The following CFAP47 variants were observed in gnomAD, a reference collection of about 807,000 sequenced individuals.
The protein encoded by CFAP47 is cilia- and flagella-associated protein 47.
A neutral mutation model predicts 148.1 loss-of-function variants in CFAP47; 29 were observed. The ratio of observed to expected loss-of-function variants is 0.20; its 90% confidence interval spans 0.15 to 0.27. The LOEUF (loss-of-function observed/expected upper bound fraction) is 0.27. Ranked by LOEUF, CFAP47 falls within the 10% of genes least tolerant of loss-of-function variation. The probability of loss-of-function intolerance (pLI) is 1.00; values close to 1 mark genes in which losing one functional copy is unlikely to be tolerated. For missense variants in CFAP47, 1,872 were observed against 1,697.5 expected, an observed-to-expected ratio of 1.10 and a Z score of -1.81; for synonymous variants, 664 against 577.3, an observed-to-expected ratio of 1.15 and a Z score of -2.15.
chrX:36,182,773 C>T (rs1040631107), intron 40 of CFAP47, among the ~76,000 whole-genome samples: 1 of 111,959 alleles, frequency 8.9e-6, no homozygotes, highest in Non-Finnish European at 1.9e-5. Context: ...AAAAAAACTC[C>T]ATAAATAAAC....
chrX:35,924,052 CATGTATGCGCACATATATGTATAT>C (rs1324760870), intron 1 of CFAP47, among the ~76,000 whole-genome samples: 1 of 91,069 alleles, frequency 1.1e-5, no homozygotes, highest in African/African-American at 4.8e-5. Context: ...TGTATATGTA[CATGTATGCGCACATATATGTATAT>C]ATGTACATGT....
At position 36,036,891 on chromosome X, in the gene CFAP47, G is replaced by A. The variant is rs994122527; in HGVS notation, c.3811+1037G>A. On this transcript the variant is annotated intron_variant, in intron 24 of 63. Coordinates refer to ENST00000378653, the MANE Select transcript of CFAP47 (RefSeq NM_001304548.2). ...GATGTTCTACTATATCTATTAGCAT[G>A]GCATTGTATAATCATTTTAGCTTTG... Among the ~76,000 whole-genome samples, 3 of 111,650 alleles carry A rather than the reference G, an allele frequency of 2.7e-5. No individual in the cohort carries two copies. The East Asian group carries it at 8.4e-4, about 31-fold the overall frequency.
At chrX:36,147,855 C>A (rs771058389) in intron 36 of CFAP47, among the ~76,000 whole-genome samples, 1 of 112,323 alleles carries the variant, frequency 8.9e-6, no homozygotes, top group Non-Finnish European at 1.9e-5. Context: ...GACTATAGGT[C>A]CTGAACTTCA....
At chrX:36,192,171 T>C (rs1331300330) in intron 42 of CFAP47, among the ~76,000 whole-genome samples, 1 of 111,871 alleles carries the variant, frequency 8.9e-6, no homozygotes, top group Non-Finnish European at 1.9e-5. Flanking sequence ...AACAACTATT[T>C]AAAAACAGAA....
chrX:36,336,342 A>T (rs1941607247), intron 57 of CFAP47, among the ~76,000 whole-genome samples: 1 of 106,892 alleles, frequency 9.4e-6, no homozygotes, highest in African/African-American at 3.5e-5. Flanking sequence ...GGAACTTCCC[A>T]TTGGTCCTCT....
At chrX:36,375,124 C>G (rs1304470004) in intron 62 of CFAP47, 4 of 348,188 alleles carry the variant, frequency 1.1e-5, no homozygotes, top group African/African-American at 7.8e-5. Flanking sequence ...TGGCGTTTGC[C>G]TCTCTTTTCT....
chrX:36,347,001 A>G (rs2041340824), intron 57 of CFAP47, among the ~76,000 whole-genome samples: 1 of 112,121 alleles, frequency 8.9e-6, no homozygotes, highest in African/African-American at 3.2e-5. Context: ...GTGAACAGGC[A>G]ACCTGCAGAA....
intron 60 of CFAP47, among the ~76,000 whole-genome samples, chrX:36,356,965 GA>G (rs1205374902): frequency 1.8e-5 from 2 of 112,361 alleles, no homozygotes; most frequent in Admixed American, 9.5e-5. Flanking sequence ...GAACTGTGGA[GA>G]AATTTGGGCT....
chrX:36,205,305 A>T (rs1940027753), intron 45 of CFAP47, among the ~76,000 whole-genome samples, 195 bp downstream of exon 45: 1 of 112,272 alleles, frequency 8.9e-6, no homozygotes, highest in African/African-American at 3.2e-5. Context: ...ACATCACAGT[A>T]ATCAAAATTA....
At chrX:35,969,961 G>T (rs1365654000) in intron 10 of CFAP47, among the ~76,000 whole-genome samples, 2 of 109,656 alleles carry the variant, frequency 1.8e-5, no homozygotes, top group Non-Finnish European at 3.8e-5. Context: ...TGTGCACAAC[G>T]TGCAGGTTTG....
intron 22 of CFAP47, among the ~76,000 whole-genome samples, chrX:36,018,511 T>C (rs1228358270): frequency 8.9e-6 from 1 of 112,008 alleles, no homozygotes; most frequent in Non-Finnish European, 1.9e-5. Context: ...GTTGAGGAAT[T>C]GTCCTTCTAT....
At chrX:35,955,838 A>T in intron 7 of CFAP47, 123 bp from the exon 8 acceptor site, 1 of 999,033 alleles carries the variant, frequency 1.0e-6, no homozygotes, top group Non-Finnish European at 1.3e-6. Flanking sequence ...ATTGTGTTGA[A>T]TGAAAAGATT....
intron 57 of CFAP47, among the ~76,000 whole-genome samples, chrX:36,330,774 TC>T (rs1941558141): frequency 9.0e-6 from 1 of 111,711 alleles, no homozygotes; most frequent in South Asian, 3.7e-4. Context: ...TGACTTTACT[TC>T]CGTTACTAAG....
At chrX:35,946,949 T>C (rs1275260931) in intron 3 of CFAP47, among the ~76,000 whole-genome samples, 1 of 111,803 alleles carries the variant, frequency 8.9e-6, no homozygotes, top group Non-Finnish European at 1.9e-5. Context: ...CACAAAACAT[T>C]ACCATAAATT....
At chrX:36,116,518 TTAG>T (rs771237380) in intron 33 of CFAP47, among the ~76,000 whole-genome samples, 112 of 112,642 alleles carry the variant, frequency 9.9e-4, no homozygotes, top group African/African-American at 3.2e-3. Context: ...ATACCAAGAA[TTAG>T]TCAGAGAATA....
intron 26 of CFAP47, among the ~76,000 whole-genome samples, chrX:36,048,098 C>T (rs904253295): frequency 1.8e-5 from 2 of 111,873 alleles, no homozygotes; most frequent in African/African-American, 6.5e-5. Context: ...TCTCTACTCT[C>T]CAATGCTGTC....
intron 26 of CFAP47, among the ~76,000 whole-genome samples, chrX:36,049,617 T>C (rs1038259176): frequency 4.5e-5 from 5 of 111,359 alleles, no homozygotes; most frequent in Non-Finnish European, 9.4e-5. Flanking sequence ...TTTTGCTCAA[T>C]ATATTAATTA....
rs948643028 is a variant in CFAP47 at position 35,993,666 on chromosome X, G to T, written c.3099+345G>T. Among the ~76,000 whole-genome samples the T allele has an allele frequency of 2.7e-5, 3 of 111,060 alleles. No homozygotes were observed. In the Admixed American group the frequency reaches 2.9e-4, roughly 11 times the overall value. On this transcript the variant is annotated intron_variant, in intron 18 of 63. Transcript: ENST00000378653. ...AAATATTTTTGATGAAGTTGGTAAT[G>T]GAAATTTCTACTAAGTTGAAATGGA...
intron 49 of CFAP47, 74 bp from the exon 50 acceptor site, chrX:36,280,413 A>G: frequency 5.2e-6 from 2 of 384,307 alleles, no homozygotes; most frequent in South Asian, 5.7e-5. Flanking sequence ...AGTAACTTTA[A>G]TATCTGTAGC....
Sources: allele counts gnomAD v4.1 joint callset (sites outside exome capture counted in the v4.1 genomes callset), GRCh38; gene constraint gnomAD v4.1.1; transcripts MANE v1.5; gene names NCBI Gene and HGNC (gene_info 2026-07-23, HGNC 2026-07-21).